Variants in TCF7L1 observed in about 807,000 individuals in gnomAD.
TCF7L1 encodes the protein transcription factor 7 like 1.
TCF7L1 carries 18 observed loss-of-function variants against 63.7 expected under a neutral mutation model. That is an observed-to-expected ratio of 0.28 (90% CI 0.20 to 0.42). The LOEUF (loss-of-function observed/expected upper bound fraction) is 0.42. Among genes scored for constraint, TCF7L1 ranks in the 10% least tolerant of loss-of-function variants. The pLI is 1.00. For missense variants in TCF7L1, 654 were observed against 779.3 expected, an observed-to-expected ratio of 0.84 and a Z score of 1.91; for synonymous variants, 355 against 340.9, an observed-to-expected ratio of 1.04 and a Z score of -0.46.
chr2:85,227,992 CAAAAAAAAA>C (rs34769307), intron 3 of TCF7L1, among the ~76,000 whole-genome samples: 8 of 79,556 alleles, frequency 1.0e-4, no homozygotes, highest in African/African-American at 1.4e-4. Flanking sequence ...ACCCTGTCTC[CAAAAAAAAA>C]AAAAAAAAAA....
intron 4 of TCF7L1, among the ~76,000 whole-genome samples, chr2:85,287,030 T>C (rs1304491142): frequency 1.3e-5 from 2 of 152,210 alleles, no homozygotes; most frequent in African/African-American, 4.8e-5. Context: ...AAAAACCCTG[T>C]GTTCAGCCTT....
In TCF7L1 at chr2:85,194,783, G is replaced by T. The variant is rs116125861; in HGVS notation, c.441+60333G>T. On this transcript the variant is annotated intron_variant, in intron 3 of 11. Transcript: ENST00000282111. ...AACCCCTGGCATGAGATTCAGAGCA[G>T]AATCCCCCTCAAGTTCTTGGATGGT... Among the ~76,000 whole-genome samples the T allele has an allele frequency of 4.5e-3, 683 of 152,304 alleles. 6 individuals are homozygous for T. The highest frequency in any genetic ancestry group is 0.015 in the African/African-American group (634 of 41,558).
chr2:85,193,988 TGTGGCTGAG>T (rs1328830664), intron 3 of TCF7L1, among the ~76,000 whole-genome samples: 1 of 150,282 alleles, frequency 6.7e-6, no homozygotes, highest in Non-Finnish European at 1.5e-5. Context: ...AAGGCCCTCC[TGTGGCTGAG>T]GTGGTAGGAG....
intron 4 of TCF7L1, among the ~76,000 whole-genome samples, chr2:85,301,395 T>C (rs895696165): frequency 6.6e-6 from 1 of 152,200 alleles, no homozygotes; most frequent in African/African-American, 2.4e-5. Flanking sequence ...TTATGCCTGG[T>C]GCTGTGTTTG....
chr2:85,177,499 A>G (rs2568199), intron 3 of TCF7L1, among the ~76,000 whole-genome samples: 130,440 of 152,268 alleles, frequency 0.86, 56,292 homozygotes, highest in African/African-American at 0.96. Flanking sequence ...GAGCCCAGGC[A>G]TTTGAAAGTG....
In TCF7L1 at chr2:85,153,238, C is replaced by CAATGTTATTAA. The variant is rs1222290731; in HGVS notation, c.441+18789_441+18790insATGTTATTAAA. On this transcript the variant is annotated intron_variant, in intron 3 of 11. Transcript: ENST00000282111. ...AAGATTAAATAAGGTTGCATATAAG[C>CAATGTTATTAA]ATGTAGAACAGTGCCTGGCACACAC... is the stretch of plus-strand genomic sequence containing the variant. Among the ~76,000 whole-genome samples the CAATGTTATTAA allele has an allele frequency of 2.0e-5, 3 of 151,960 alleles. No individual in the cohort carries two copies. The East Asian group carries it at 5.8e-4, about 29-fold the overall frequency.
chr2:85,281,899 C>T (rs1426798093), intron 3 of TCF7L1, among the ~76,000 whole-genome samples: 1 of 152,192 alleles, frequency 6.6e-6, no homozygotes, highest in East Asian at 1.9e-4. Flanking sequence ...CTCTTCCCAT[C>T]GCCCTCCTGC....
intron 3 of TCF7L1, among the ~76,000 whole-genome samples, chr2:85,246,534 T>G (rs546658486): frequency 1.3e-5 from 2 of 152,202 alleles, no homozygotes; most frequent in Non-Finnish European, 2.9e-5. Context: ...CACTCCTATT[T>G]AATAGACAGT....
Position 85,134,582 on chromosome 2 carries a change from A to ACTACTCT in TCF7L1, c.441+135_441+141dup. 1 of 1,302,304 alleles carries ACTACTCT rather than the reference A, an allele frequency of 7.7e-7. No individual in the cohort carries two copies. The highest frequency in any genetic ancestry group is 1.5e-5 in the South Asian group (1 of 65,546). The allele number at this position is 1,302,304 out of a possible 1,614,324, so 80.7% of individuals were successfully genotyped here. ...AAGCAGAACTTGTTTGCGGAGTTGA[A>ACTACTCT]CTACTCTCTGGCGGCCGAGCGCGAG... On this transcript the variant is annotated intron_variant, in intron 3 of 11. Coordinates refer to ENST00000282111, the MANE Select transcript of TCF7L1 (RefSeq NM_031283.3). This position sits in a 1 kb window ranked among gnomAD's most constrained non-coding sequence, Gnocchi z 5.0.
chr2:85,294,855 C>T (rs1191525768), intron 4 of TCF7L1, among the ~76,000 whole-genome samples: 1 of 151,878 alleles, frequency 6.6e-6, no homozygotes, highest in African/African-American at 2.4e-5. Context: ...CAACATAGTG[C>T]GACCTCACCT....
At chr2:85,151,028 T>A (rs6723581) in intron 3 of TCF7L1, among the ~76,000 whole-genome samples, 13,396 of 152,258 alleles carry the variant, frequency 0.088, 681 homozygotes, top group African/African-American at 0.11. Flanking sequence ...CTAAATAAGG[T>A]GAAAGTATGA....
chr2:85,224,913 G>A (rs1210496403), intron 3 of TCF7L1, among the ~76,000 whole-genome samples: 3 of 152,104 alleles, frequency 2.0e-5, no homozygotes, highest in African/African-American at 7.2e-5. Context: ...ATGGTTTTAG[G>A]GCTTACATTT....
intron 3 of TCF7L1, among the ~76,000 whole-genome samples, chr2:85,271,963 A>G (rs928805493): frequency 2.0e-5 from 3 of 152,270 alleles, no homozygotes; most frequent in Non-Finnish European, 2.9e-5. Flanking sequence ...TCTGTCAACT[A>G]CCCTATTCTT....
chr2:85,236,988 G>A (rs1680206796), intron 3 of TCF7L1, among the ~76,000 whole-genome samples: 1 of 152,130 alleles, frequency 6.6e-6, no homozygotes, highest in South Asian at 2.1e-4. Context: ...TTGGAACTCT[G>A]ATCTCAGATA....
chr2:85,285,326 G>A (rs769602916), intron 4 of TCF7L1, among the ~76,000 whole-genome samples: 22 of 152,228 alleles, frequency 1.4e-4, no homozygotes, highest in Non-Finnish European at 3.1e-4. Flanking sequence ...AAATAAGGGT[G>A]CAGGGAGCCT....
chr2:85,214,797 A>G (rs1679655727), intron 3 of TCF7L1, among the ~76,000 whole-genome samples: 2 of 152,226 alleles, frequency 1.3e-5, no homozygotes, highest in African/African-American at 2.4e-5. Flanking sequence ...TACTGTATAT[A>G]TGCTATATCT....
chr2:85,158,284 C>T (rs1317534045), intron 3 of TCF7L1, among the ~76,000 whole-genome samples: 5 of 152,206 alleles, frequency 3.3e-5, no homozygotes, highest in Admixed American at 2.6e-4. Context: ...TGCCCACCAG[C>T]ATGGCACTTT....
chr2:85,219,277 G>A (rs1679787639), intron 3 of TCF7L1, among the ~76,000 whole-genome samples: 1 of 152,202 alleles, frequency 6.6e-6, no homozygotes, highest in South Asian at 2.1e-4. Flanking sequence ...GCATACTGGT[G>A]TTGGCGAGGA....
In TCF7L1 at chr2:85,306,996, A is replaced by G. The variant is rs1260872816; in HGVS notation, c.1257+437A>G. ...GCATTTATAGAGGACTCTTAAGATCAGGGAGAAGCCCATACTTCTCTAGAA... is the reference window on the plus strand; with the variant it reads ...GCATTTATAGAGGACTCTTAAGATCGGGGAGAAGCCCATACTTCTCTAGAA... On this transcript the variant is annotated intron_variant, in intron 10 of 11. Coordinates refer to ENST00000282111, the MANE Select transcript of TCF7L1 (RefSeq NM_031283.3). This position sits in a 1 kb window ranked among gnomAD's most constrained non-coding sequence, Gnocchi z 4.3. 1.3e-5 allele frequency among the ~76,000 whole-genome samples: 2 copies of G among 152,198 alleles called. No homozygotes were observed. Among genetic ancestry groups the G allele is most frequent in the East Asian group, 3.9e-4 (2 of 5,190 alleles).
Sources: allele counts gnomAD v4.1 joint callset (sites outside exome capture counted in the v4.1 genomes callset), GRCh38; gene constraint gnomAD v4.1.1; non-coding constraint Gnocchi (gnomAD v3.1); transcripts MANE v1.5; gene names NCBI Gene and HGNC (gene_info 2026-07-23, HGNC 2026-07-21).